Variants in DIAPH3 observed in about 807,000 individuals in gnomAD.
DIAPH3 encodes diaphanous related formin 3, also known as protein diaphanous homolog 3.
DIAPH3 carries 117 observed loss-of-function variants against 144.3 expected under a neutral mutation model. The ratio of observed to expected loss-of-function variants is 0.81; its 90% CI spans 0.70 to 0.95. The LOEUF (loss-of-function observed/expected upper bound fraction) is 0.95. Ranked by LOEUF, DIAPH3 falls within the 40% of genes least tolerant of loss-of-function variation. The probability of loss-of-function intolerance (pLI) is 0.00; values close to 1 mark genes in which losing one functional copy is unlikely to be tolerated. For synonymous variants in DIAPH3, 519 were observed against 488.9 expected (o/e 1.06, Z -0.81); for missense variants, 1,421 against 1,412.7 (o/e 1.01, Z -0.09).
chr13:60,072,141 A>G (rs1159116080), intron 4 of DIAPH3, among the ~76,000 whole-genome samples: 1 of 152,148 alleles, frequency 6.6e-6, no homozygotes, highest in Non-Finnish European at 1.5e-5. Flanking sequence ...CAGGAACCTC[A>G]TAATCTACAA....
intron 27 of DIAPH3, among the ~76,000 whole-genome samples, chr13:59,747,272 T>C (rs1375952303): frequency 1.3e-5 from 2 of 152,194 alleles, no homozygotes; most frequent in Non-Finnish European, 2.9e-5. Flanking sequence ...CCAGACAATG[T>C]CCTGGTAAGA....
chr13:59,829,672 A>T (rs2041671492), intron 24 of DIAPH3, among the ~76,000 whole-genome samples: 1 of 151,980 alleles, frequency 6.6e-6, no homozygotes, highest in Non-Finnish European at 1.5e-5. Flanking sequence ...ATTGCACTAG[A>T]GACAGAAAGA....
chr13:59,847,446 T>C (rs1253595085), intron 22 of DIAPH3, among the ~76,000 whole-genome samples: 1 of 152,144 alleles, frequency 6.6e-6, no homozygotes, highest in African/African-American at 2.4e-5. Context: ...CCCTGTCCTT[T>C]ACAAGTACAA....
Position 60,042,840 on chromosome 13 carries a change from ATGTTTTGATTAATAC to A in DIAPH3, c.496-35_496-21del. 6.2e-7 allele frequency: 1 copy of A among 1,612,152 alleles called. No homozygotes were observed. The highest frequency in any genetic ancestry group is 8.5e-7 in the Non-Finnish European group (1 of 1,178,716). ...ACTTCCCTATAAAATAAGTCAAAAA[ATGTTTTGATTAATAC>A]TGCATGGAGATTACCCATTAAAAAA... On this transcript the variant is annotated intron_variant, in intron 4 of 27. Transcript: ENST00000400324.
At chr13:59,674,373 A>C (rs909207105) in intron 27 of DIAPH3, among the ~76,000 whole-genome samples, 1 of 152,160 alleles carries the variant, frequency 6.6e-6, no homozygotes, top group African/African-American at 2.4e-5. Context: ...GCAGAGCCAG[A>C]GACAGAACTA....
In DIAPH3 at chr13:59,833,048, A is replaced by T. The variant is rs2041859338; in HGVS notation, c.3027+59T>A. ...AACAAGAGTAGAACGATGTAATGAG[A>T]TAATAGATAAGATAGTATAAATAAA... On this transcript the variant is annotated intron_variant, in intron 24 of 27. Transcript: ENST00000400324. 8 of 1,263,704 alleles carry T rather than the reference A, an allele frequency of 6.3e-6. No individual in the cohort carries two copies. In the South Asian group the frequency reaches 6.4e-5, roughly 10 times the overall value. 78.3% of individuals were successfully genotyped at this position (1,263,704 alleles called of 1,614,324 possible). A position where few individuals can be genotyped will look rare whatever the true frequency, so the allele number is the denominator to read the frequency against.
chr13:59,827,544 C>T (rs994960041), intron 24 of DIAPH3, among the ~76,000 whole-genome samples: 13 of 151,868 alleles, frequency 8.6e-5, no homozygotes, highest in African/African-American at 3.1e-4. Context: ...ATGAAATTTG[C>T]TTAAGGAGAT....
chr13:60,025,619 C>T (rs976980319), intron 5 of DIAPH3, among the ~76,000 whole-genome samples: 1 of 151,128 alleles, frequency 6.6e-6, no homozygotes, highest in Non-Finnish European at 1.5e-5. Context: ...GAGTCAAGTG[C>T]TAAAATGAGG....
At chr13:59,821,953 C>G (rs1177863310) in intron 24 of DIAPH3, among the ~76,000 whole-genome samples, 2 of 152,146 alleles carry the variant, frequency 1.3e-5, no homozygotes, top group Non-Finnish European at 2.9e-5. Flanking sequence ...GATTATTAAA[C>G]TATTTCAGCT....
chr13:59,785,573 C>G (rs1354969745), intron 25 of DIAPH3, among the ~76,000 whole-genome samples: 1 of 152,144 alleles, frequency 6.6e-6, no homozygotes, highest in African/African-American at 2.4e-5. Context: ...CAGTGCCCCC[C>G]ATATGTAAGG....
At chr13:59,794,481 T>C (rs1006820293) in intron 25 of DIAPH3, among the ~76,000 whole-genome samples, 1 of 151,988 alleles carries the variant, frequency 6.6e-6, no homozygotes, top group Non-Finnish European at 1.5e-5. Context: ...AGGATTCTTA[T>C]ATAGCCTGTC....
intron 22 of DIAPH3, among the ~76,000 whole-genome samples, chr13:59,855,798 C>CA (rs2139888107): frequency 6.6e-6 from 1 of 151,366 alleles, no homozygotes; most frequent in East Asian, 1.9e-4. Flanking sequence ...AGAGATAACT[C>CA]AGAGTGTTAC....
intron 2 of DIAPH3, among the ~76,000 whole-genome samples, chr13:60,132,748 T>A (rs1306761713): frequency 6.6e-6 from 1 of 152,132 alleles, no homozygotes; most frequent in African/African-American, 2.4e-5. Flanking sequence ...CAAATTTTTT[T>A]AATTAACATA....
chr13:59,788,937 C>T (rs1409749937), intron 25 of DIAPH3, among the ~76,000 whole-genome samples: 2 of 152,134 alleles, frequency 1.3e-5, no homozygotes, highest in Non-Finnish European at 2.9e-5. Flanking sequence ...AAATGTCTTG[C>T]ATGTAAGTAT....
chr13:59,712,290 T>C (rs895189366), intron 27 of DIAPH3, among the ~76,000 whole-genome samples: 3 of 152,338 alleles, frequency 2.0e-5, no homozygotes, highest in Admixed American at 6.5e-5. Context: ...GCTGCAGACA[T>C]GGTCTTTCAA....
intron 27 of DIAPH3, among the ~76,000 whole-genome samples, chr13:59,730,991 T>C (rs774385495): frequency 1.3e-5 from 2 of 152,156 alleles, no homozygotes; most frequent in Non-Finnish European, 2.9e-5. Flanking sequence ...CATTATTCCC[T>C]TCTTGTCAAC....
In DIAPH3 at chr13:59,920,693, GA is replaced by G. The variant is rs558312677; in HGVS notation, c.2170+4081del. On this transcript the variant is annotated intron_variant, in intron 18 of 27. Coordinates refer to ENST00000400324, the MANE Select transcript of DIAPH3 (RefSeq NM_001042517.2). ...CAGCAATAAAACAGTCATCTAGACA[GA>G]AAATCAACAAACATGAACTAGAAAA... Among the ~76,000 whole-genome samples the G allele has an allele frequency of 3.3e-5, 5 of 151,904 alleles. 1 individual carries two copies. In the East Asian group the frequency reaches 5.8e-4, roughly 18 times the overall value.
intron 7 of DIAPH3, 128 bp downstream of exon 7, chr13:60,015,785 T>C: frequency 2.3e-6 from 2 of 853,556 alleles, no homozygotes; most frequent in Non-Finnish European, 3.8e-6. Context: ...TAGAATTCAA[T>C]AAAATTCAAT....
chr13:59,708,961 A>G (rs1174131080), intron 27 of DIAPH3, among the ~76,000 whole-genome samples: 1 of 152,162 alleles, frequency 6.6e-6, no homozygotes, highest in African/African-American at 2.4e-5. Flanking sequence ...AGGTATCAGG[A>G]CTATAAAGAT....
Sources: allele counts gnomAD v4.1 joint callset (sites outside exome capture counted in the v4.1 genomes callset), GRCh38; gene constraint gnomAD v4.1.1; transcripts MANE v1.5; gene names NCBI Gene and HGNC (gene_info 2026-07-23, HGNC 2026-07-21).